The following NXPE2 variants were observed in gnomAD, a reference collection of about 807,000 sequenced individuals.
NXPE2 encodes the protein NXPE family member 2.
Under a neutral mutation model 34.4 loss-of-function variants are expected in NXPE2, and 34 were observed. The ratio of observed to expected loss-of-function variants is 0.99; its 90% CI spans 0.75 to 1.31. The LOEUF (loss-of-function observed/expected upper bound fraction) is 1.31, where lower values mean the gene tolerates loss of function less well. Ranked by LOEUF, NXPE2 falls within the 40% of genes most tolerant of loss-of-function variation. NXPE2 has a pLI of 0.00. For missense variants in NXPE2, 649 were observed against 672.5 expected, an observed-to-expected ratio of 0.97 and a Z score of 0.39; for synonymous variants, 235 against 231.3, an observed-to-expected ratio of 1.02 and a Z score of -0.15.
chr11:114,678,476 A>G (rs980391076), upstream of NXPE2: 15 of 910,172 alleles, frequency 1.6e-5, no homozygotes, highest in East Asian at 2.7e-4. Flanking sequence ...CTTTTGATCA[A>G]TGAAGCTCAT....
chr11:114,608,643 G>A, the NXPE2 span, among the ~76,000 whole-genome samples: 24 of 151,702 alleles, frequency 1.6e-4, no homozygotes, highest in Non-Finnish European at 2.9e-4. Flanking sequence ...TTGTTGCCTC[G>A]AGGGTAACCA....
the NXPE2 span, among the ~76,000 whole-genome samples, chr11:114,469,319 TAGCC>T: frequency 6.6e-6 from 1 of 151,514 alleles, no homozygotes; most frequent in Non-Finnish European, 1.5e-5. Context: ...TTCACCGTGT[TAGCC>T]AGGATGGTCT....
the NXPE2 span, among the ~76,000 whole-genome samples, chr11:114,594,021 C>T: frequency 2.6e-5 from 4 of 151,874 alleles, no homozygotes; most frequent in African/African-American, 4.8e-5. Flanking sequence ...CTACCAGAGG[C>T]TGGGAAGGGT....
chr11:114,697,613 A>C (rs1443045326), intron 2 of NXPE2, among the ~76,000 whole-genome samples: 1 of 152,186 alleles, frequency 6.6e-6, no homozygotes, highest in African/African-American at 2.4e-5. Context: ...TTCATAAAAC[A>C]CTTCCTCCAA....
chr11:114,489,077 A>G, the NXPE2 span, among the ~76,000 whole-genome samples: 2 of 152,242 alleles, frequency 1.3e-5, no homozygotes, highest in African/African-American at 2.4e-5. Context: ...AATACTATAA[A>G]CACCTCTATG....
At chr11:114,781,248 G>A in the NXPE2 span, among the ~76,000 whole-genome samples, 1 of 152,148 alleles carries the variant, frequency 6.6e-6, no homozygotes, top group Admixed American at 6.5e-5. Flanking sequence ...CTACTCATCT[G>A]CAGCTTCCCT....
chr11:114,602,911 A>T, the NXPE2 span, among the ~76,000 whole-genome samples: 2 of 148,930 alleles, frequency 1.3e-5, no homozygotes, highest in Admixed American at 1.4e-4. Context: ...TTACAGAATC[A>T]TATATAATAA....
chr11:114,809,302 C>G, the NXPE2 span, among the ~76,000 whole-genome samples: 9 of 151,974 alleles, frequency 5.9e-5, no homozygotes, highest in African/African-American at 2.2e-4. Context: ...GATGCCCTCT[C>G]TCACCACTCC....
chr11:114,653,554 T>C, the NXPE2 span, among the ~76,000 whole-genome samples: 1 of 108,420 alleles, frequency 9.2e-6, no homozygotes, highest in Admixed American at 1.1e-4. Context: ...TTTTTTTTTT[T>C]AGACAGAGTC....
At chr11:114,684,259 C>T (rs917465157) in intron 2 of NXPE2, among the ~76,000 whole-genome samples, 14 of 151,952 alleles carry the variant, frequency 9.2e-5, no homozygotes, top group Non-Finnish European at 1.9e-4. Context: ...AACCCCATCA[C>T]TACTAAAAAT....
the NXPE2 span, among the ~76,000 whole-genome samples, chr11:114,672,323 A>AT: frequency 1.3e-5 from 2 of 151,956 alleles, no homozygotes; most frequent in African/African-American, 4.8e-5. Flanking sequence ...CAATCCCTAA[A>AT]TTTTTTCAAA....
At chr11:114,812,373 A>G in the NXPE2 span, among the ~76,000 whole-genome samples, 1 of 152,210 alleles carries the variant, frequency 6.6e-6, no homozygotes, top group Non-Finnish European at 1.5e-5. Flanking sequence ...ACAGTTTAAA[A>G]TAACAACTTT....
chr11:114,569,836 C>A, the NXPE2 span, among the ~76,000 whole-genome samples: 1 of 151,948 alleles, frequency 6.6e-6, no homozygotes, highest in Non-Finnish European at 1.5e-5. Context: ...AAAGTGTGAC[C>A]CCTCACCCCC....
the NXPE2 span, among the ~76,000 whole-genome samples, chr11:114,591,095 A>T: frequency 1.3e-5 from 2 of 152,318 alleles, no homozygotes; most frequent in African/African-American, 4.8e-5. Flanking sequence ...ATCTTCACAG[A>T]TGGCAGTTCT....
chr11:114,729,544 C>A, the NXPE2 span, among the ~76,000 whole-genome samples: 4 of 152,092 alleles, frequency 2.6e-5, no homozygotes, highest in African/African-American at 7.2e-5. Flanking sequence ...ATAAACATTC[C>A]CTTTTCTCTA....
the NXPE2 span, among the ~76,000 whole-genome samples, chr11:114,721,382 T>TGTC: frequency 6.6e-6 from 1 of 152,072 alleles, no homozygotes; most frequent in East Asian, 1.9e-4. Context: ...TCACAAAACC[T>TGTC]GTCTCTGCCT....
chr11:114,563,099 A>G, the NXPE2 span, among the ~76,000 whole-genome samples: 15 of 152,236 alleles, frequency 9.9e-5, no homozygotes, highest in Admixed American at 6.5e-4. Flanking sequence ...CATGATTGAG[A>G]GTCTCAGAGT....
At chr11:114,607,641 C>T in the NXPE2 span, among the ~76,000 whole-genome samples, 641 of 147,942 alleles carry the variant, frequency 4.3e-3, 6 homozygotes, top group African/African-American at 0.011. Flanking sequence ...TGTTGCCTCG[C>T]GGTTAACCAC....
chr11:114,717,435 A>C, the NXPE2 span, among the ~76,000 whole-genome samples: 5,549 of 152,268 alleles, frequency 0.036, 355 homozygotes, highest in African/African-American at 0.13. Flanking sequence ...TAGATGATAC[A>C]AGTCGTCTCC....
Sources: gnomAD v4.1 joint callset for allele counts (sites outside exome capture counted in the v4.1 genomes callset) on GRCh38, gnomAD v4.1.1 for gene constraint, MANE v1.5 for transcripts, NCBI Gene and HGNC (gene_info 2026-07-23, HGNC 2026-07-21) for gene names.